The following DLG5 variants were observed in gnomAD, a reference collection of about 807,000 sequenced individuals.
DLG5 encodes discs large MAGUK scaffold protein 5, also known as disks large homolog 5.
A neutral mutation model predicts 189.8 loss-of-function variants in DLG5; 48 were observed. That is an observed-to-expected ratio of 0.25 (90% CI 0.20 to 0.32). DLG5 has a LOEUF of 0.32. DLG5 is among the 10% of genes least tolerant of loss of function. The pLI is 1.00. For synonymous variants in DLG5, 1,016 were observed against 1,054.1 expected, an observed-to-expected ratio of 0.96 and a Z score of 0.70; for missense variants, 2,160 against 2,544.7, an observed-to-expected ratio of 0.85 and a Z score of 3.25.
chr10:77,860,374 C>T (rs1332432718), intron 2 of DLG5, among the ~76,000 whole-genome samples: 2 of 152,170 alleles, frequency 1.3e-5, no homozygotes, highest in African/African-American at 2.4e-5. Context: ...CTCGGCTCAC[C>T]GCAACCTCCA....
intron 21 of DLG5, 28 bp from the exon 22 acceptor site, chr10:77,812,085 G>A (rs41274582): frequency 4.3e-4 from 684 of 1,605,352 alleles, no homozygotes; most frequent in Non-Finnish European, 5.4e-4. Context: ...TGGGCTCAGT[G>A]GGGGGGTCGG....
chr10:77,844,554 T>G (rs1000760156), intron 5 of DLG5, among the ~76,000 whole-genome samples: 2 of 152,142 alleles, frequency 1.3e-5, no homozygotes, highest in African/African-American at 4.8e-5. Context: ...TCCCCCCGCA[T>G]CCCATGCAAG....
chr10:77,807,070 G>T, intron 25 of DLG5, 142 bp from the exon 26 acceptor site: 2 of 910,892 alleles, frequency 2.2e-6, no homozygotes, highest in Non-Finnish European at 3.2e-6. Flanking sequence ...CGAGGGTGGT[G>T]ATTCTCAAAG....
At chr10:77,797,949 G>A (rs1384089967) in intron 27 of DLG5, among the ~76,000 whole-genome samples, 2 of 152,166 alleles carry the variant, frequency 1.3e-5, no homozygotes, top group Non-Finnish European at 2.9e-5. Flanking sequence ...CACTTTGGGA[G>A]GCTGAGGCAG....
intron 1 of DLG5, among the ~76,000 whole-genome samples, chr10:77,876,828 G>C (rs1203897672): frequency 6.6e-6 from 1 of 151,468 alleles, no homozygotes; most frequent in Non-Finnish European, 1.5e-5. Flanking sequence ...GATCTGTGTG[G>C]GGTGGCAGGA....
rs904694748 is a variant in DLG5 at position 77,794,027 on chromosome 10, C to A, written c.5637G>T (p.Glu1879Asp). Residue 1879 changes from glutamate to aspartate, a missense_variant, in exon 31 of 32, where the codon GAG becomes GAT. Transcript: ENST00000372391. ...QFEAAQKLEQ[E>D]YSRYFTGVIQ... ...ACCTACCTGTGAAGTACCTGCTGTA[C>A]TCCTGCTCAAGCTTCTGCGCCGCCT... The A allele has an allele frequency of 2.5e-6, 4 of 1,614,160 alleles. No homozygotes were observed. Among genetic ancestry groups the A allele is most frequent in the Non-Finnish European group, 3.4e-6 (4 of 1,180,018 alleles).
chr10:77,849,660 G>C (rs1381792107), intron 5 of DLG5, among the ~76,000 whole-genome samples: 2 of 152,168 alleles, frequency 1.3e-5, no homozygotes, highest in African/African-American at 4.8e-5. Context: ...ACAACGGTAG[G>C]AAAAGGAGAG....
chr10:77,812,251 GT>G lies in DLG5; in HGVS notation c.4151del (p.His1384ProfsTer17). 1 of 1,614,068 alleles carries G rather than the reference GT, an allele frequency of 6.2e-7. No individual in the cohort carries two copies. The highest frequency in any genetic ancestry group is 8.5e-7 in the Non-Finnish European group (1 of 1,179,966). On this transcript the variant is annotated frameshift_variant, in exon 21 of 32. Transcript: ENST00000372391. LOFTEE classifies it high-confidence loss of function. ...VSKVTVGSIA[H>X]QAGLEYGDQL... ...GATCCCCATACTCGAGGCCAGCCTG[GT>G]GAGCGATGCTCCCCACGGTCACCTT... is the stretch of plus-strand genomic sequence containing the variant.
At chr10:77,924,345 G>A (rs931906916) in intron 1 of DLG5, among the ~76,000 whole-genome samples, 2 of 152,142 alleles carry the variant, frequency 1.3e-5, no homozygotes, top group Non-Finnish European at 2.9e-5. Context: ...TAGAGGTCAA[G>A]ACTAGCTCCT....
At chr10:77,841,637 T>C (rs1419187949) in intron 7 of DLG5, among the ~76,000 whole-genome samples, 1 of 152,178 alleles carries the variant, frequency 6.6e-6, no homozygotes, top group Non-Finnish European at 1.5e-5. Flanking sequence ...GTGTGTAAGC[T>C]CCGGGCAGCC....
rs141030163 is a variant in DLG5, at chr10:77,796,130, G to A, written c.5367C>T (p.Val1789=). The A allele has an allele frequency of 5.0e-6, 8 of 1,614,152 alleles. No homozygotes were observed. The highest frequency in any genetic ancestry group is 2.2e-5 in the South Asian group (2 of 91,084). Residue 1789 remains valine (V), a synonymous_variant, in exon 29 of 32, where the codon GTC becomes GTT. Transcript: ENST00000372391. This position sits in a 1 kb window ranked among gnomAD's most constrained non-coding sequence, Gnocchi z 5.2. ...AATGGCCGCTTCTCCGCTTATAGTC[G>A]ACAAACAGGCAATCTTTGACACCCC... ...IERGVKDCLF[V]DYKRRSGHFD...
chr10:77,926,310 G>C lies in DLG5; in HGVS notation c.211C>G (p.Leu71Val). The change falls in exon 1 of 32, where the codon CTG becomes GTG. Residue 71 changes from leucine (L) to valine (V), a missense_variant. Transcript: ENST00000372391. The surrounding 1 kb of genome is among the most constrained non-coding windows in gnomAD (Gnocchi z 5.2). ...LAKERDHFQD[L>V]RAALEKTQPH... is the part of the protein sequence containing the mutation. ...TGCGTCTTCTCCAGCGCCGCCCGCA[G>C]GTCCTGGAAGTGGTCCCGCTCCTTG... is the stretch of plus-strand genomic sequence containing the variant. 6.3e-7 allele frequency: 1 copy of C among 1,599,996 alleles called. No individual in the cohort carries two copies. The highest frequency in any genetic ancestry group is 8.5e-7 in the Non-Finnish European group (1 of 1,174,628).
intron 27 of DLG5, among the ~76,000 whole-genome samples, chr10:77,798,615 T>C (rs1841045199): frequency 1.3e-5 from 2 of 152,252 alleles, no homozygotes; most frequent in Non-Finnish European, 2.9e-5. Context: ...CTGTGGATAC[T>C]TTATAACTCG....
Position 77,926,570 on chromosome 10 carries a change from G to A in DLG5, c.-50C>T, listed in dbSNP as rs1033947375. On this transcript the variant is annotated 5_prime_UTR_variant, in exon 1 of 32. Transcript: ENST00000372391. The surrounding 1 kb of genome is among the most constrained non-coding windows in gnomAD (Gnocchi z 5.2). Reference sequence around the variant, plus strand: ...CCGCCGGACGCCTCCCGGGCCCCCCGAGGCCGGCGGGCGGGCAGGCGAGCA... The same window carrying A: ...CCGCCGGACGCCTCCCGGGCCCCCCAAGGCCGGCGGGCGGGCAGGCGAGCA... 10 of 1,201,060 alleles carry A rather than the reference G, an allele frequency of 8.3e-6. No homozygotes were observed. In the East Asian group the frequency reaches 3.1e-4, roughly 38 times the overall value. 74.4% of individuals were successfully genotyped at this position (1,201,060 alleles called of 1,614,324 possible).
At chr10:77,935,791 G>T in the DLG5 span, among the ~76,000 whole-genome samples, 3 of 152,148 alleles carry the variant, frequency 2.0e-5, no homozygotes, top group Non-Finnish European at 4.4e-5. Context: ...GTCTGAACAC[G>T]TGGATGTGTG....
In DLG5 at chr10:77,796,478, G is replaced by A; in HGVS notation, c.5281C>T (p.Pro1761Ser). ...AGGGGACATCTGCAGAACTTGCCAG[G>A]AGCCTCATTCACCAGCATCTCCTTC... is the stretch of plus-strand genomic sequence containing the variant. The part of the protein sequence containing the change: ...VVKEMLVNEA[P>S]GKFCRCPLEV... Residue 1761 changes from proline to serine, a missense_variant, in exon 28 of 32, where the codon CCT (proline) becomes TCT (serine). Coordinates refer to ENST00000372391, the MANE Select transcript of DLG5 (RefSeq NM_004747.4). This position sits in a 1 kb window ranked among gnomAD's most constrained non-coding sequence, Gnocchi z 5.2. The A allele has an allele frequency of 1.9e-6, 3 of 1,614,174 alleles. No homozygotes were observed. Among genetic ancestry groups the A allele is most frequent in the East Asian group, 2.2e-5 (1 of 44,882 alleles).
chr10:77,824,615 G>C, intron 13 of DLG5, 139 bp from the exon 14 acceptor site: 1 of 656,418 alleles, frequency 1.5e-6, no homozygotes. Context: ...GCAAAGGATA[G>C]AGGTCTTTCT....
chr10:77,855,708 T>TA (rs1261188578), intron 3 of DLG5, among the ~76,000 whole-genome samples: 2 of 152,164 alleles, frequency 1.3e-5, no homozygotes, highest in Admixed American at 1.3e-4. Flanking sequence ...TCCTCATGAA[T>TA]ACAAGCTCAG....
chr10:77,817,286 GC>G (rs1842107792), intron 18 of DLG5, among the ~76,000 whole-genome samples, 190 bp from the exon 19 acceptor site: 1 of 152,172 alleles, frequency 6.6e-6, no homozygotes, highest in Non-Finnish European at 1.5e-5. Flanking sequence ...AACTGTGCAG[GC>G]CCAGACTGCT....
Sources: gnomAD v4.1 joint callset for allele counts (sites outside exome capture counted in the v4.1 genomes callset) on GRCh38, gnomAD v4.1.1 for gene constraint, Gnocchi (gnomAD v3.1) non-coding constraint, MANE v1.5 for transcripts, NCBI Gene and HGNC (gene_info 2026-07-23, HGNC 2026-07-21) for gene names.